ADGRG6: variants seen among roughly 807,000 people sequenced by gnomAD.
ADGRG6 encodes the protein adhesion G protein-coupled receptor G6, also known as G-protein coupled receptor 126.
Under a neutral mutation model 142.4 loss-of-function variants are expected in ADGRG6, and 84 were observed. The ratio of observed to expected loss-of-function variants is 0.59; its 90% CI spans 0.49 to 0.71. The LOEUF is 0.71. ADGRG6 is among the 30% of genes least tolerant of loss of function. ADGRG6 has a pLI of 0.00. For missense variants in ADGRG6, 1,367 were observed against 1,466.6 expected (o/e 0.93, Z 1.11); for synonymous variants, 521 against 520.5 (o/e 1.00, Z -0.01).
At chr6:142,443,253 T>G in intron 24 of ADGRG6, 84 bp from the exon 25 acceptor site, 1 of 758,436 alleles carries the variant, frequency 1.3e-6, no homozygotes, top group Non-Finnish European at 2.1e-6. Flanking sequence ...TTCTTTAATG[T>G]GCAAAACGGA....
intron 2 of ADGRG6, among the ~76,000 whole-genome samples, chr6:142,338,017 G>GTTTTTTTTTTTTTGT (rs1779413370): frequency 2.8e-5 from 1 of 35,392 alleles, no homozygotes; most frequent in African/African-American, 1.3e-4. Context: ...TTGTATCTTT[G>GTTTTTTTTTTTTTGT]TTTTTTTTTT....
intron 22 of ADGRG6, among the ~76,000 whole-genome samples, chr6:142,421,585 T>C (rs1195904307): frequency 1.3e-5 from 2 of 152,172 alleles, no homozygotes; most frequent in African/African-American, 4.8e-5. Context: ...TATTTCAGGA[T>C]TGTATATAAA....
chr6:142,375,182 CTCTG>C (rs1418347235), intron 4 of ADGRG6, among the ~76,000 whole-genome samples: 1 of 152,202 alleles, frequency 6.6e-6, no homozygotes, highest in East Asian at 1.9e-4. Context: ...ATTTCTTAAA[CTCTG>C]TCCCTGAGAC....
chr6:142,338,224 G>T (rs1779443566), intron 2 of ADGRG6, among the ~76,000 whole-genome samples: 1 of 150,452 alleles, frequency 6.6e-6, no homozygotes. Context: ...GTTTCACCGT[G>T]GTCTCGATCT....
At chr6:142,328,262 G>A (rs1352328906) in intron 2 of ADGRG6, among the ~76,000 whole-genome samples, 2 of 152,132 alleles carry the variant, frequency 1.3e-5, no homozygotes, top group African/African-American at 4.8e-5. Flanking sequence ...AAGTGCAGTG[G>A]CATGATTTCA....
At chr6:142,397,860 GT>G (rs897386965) in intron 10 of ADGRG6, 105 bp downstream of exon 10, 5 of 669,080 alleles carry the variant, frequency 7.5e-6, no homozygotes, top group Admixed American at 4.2e-5. Context: ...GTTTATGTAA[GT>G]TTTTTTTCTG....
At chr6:142,433,477 T>C (rs1409886385) in intron 22 of ADGRG6, among the ~76,000 whole-genome samples, 1 of 152,190 alleles carries the variant, frequency 6.6e-6, no homozygotes, top group Non-Finnish European at 1.5e-5. Flanking sequence ...GATTTAGTCA[T>C]GTAGAGTGTG....
At chr6:142,379,392 T>A (rs1781648226) in intron 4 of ADGRG6, among the ~76,000 whole-genome samples, 1 of 152,240 alleles carries the variant, frequency 6.6e-6, no homozygotes, top group Admixed American at 6.5e-5. Context: ...TCCCTTCTTT[T>A]GGTTGTAGAA....
chr6:142,320,038 TAA>T (rs1257617812), intron 2 of ADGRG6, among the ~76,000 whole-genome samples: 1 of 151,776 alleles, frequency 6.6e-6, no homozygotes, highest in Admixed American at 6.6e-5. Flanking sequence ...CACGTGGAGG[TAA>T]AAAAAATTAG....
At chr6:142,384,727 T>C (rs763046263) in intron 6 of ADGRG6, among the ~76,000 whole-genome samples, 5 of 152,150 alleles carry the variant, frequency 3.3e-5, no homozygotes, top group African/African-American at 1.2e-4. Flanking sequence ...ATCTGTAATA[T>C]ATCACCAGGG....
intron 10 of ADGRG6, 85 bp downstream of exon 10, chr6:142,397,840 T>C: frequency 1.2e-6 from 1 of 840,994 alleles, no homozygotes; most frequent in Non-Finnish European, 1.7e-6. Flanking sequence ...ATTTTCTTTA[T>C]GCGCTATTTG....
chr6:142,386,459 T>C (rs1782028757), intron 6 of ADGRG6, among the ~76,000 whole-genome samples: 1 of 152,170 alleles, frequency 6.6e-6, no homozygotes, highest in Non-Finnish European at 1.5e-5. Context: ...TGAAAACAAG[T>C]AAGATAATTG....
intron 6 of ADGRG6, among the ~76,000 whole-genome samples, chr6:142,384,368 A>G (rs1280892368): frequency 6.6e-6 from 1 of 152,180 alleles, no homozygotes; most frequent in Non-Finnish European, 1.5e-5. Context: ...GAATATGATT[A>G]TATATCAACT....
rs576066460 is a variant in ADGRG6 at position 142,387,186 on chromosome 6, A to C, written c.1223-3072A>C. ...TGATCTTTTTTATGTTTTCCATTAC[A>C]TTCCCAAGAAAAGCTCTTGGACTAA... is the stretch of plus-strand genomic sequence containing the variant. On this transcript the variant is annotated intron_variant, in intron 6 of 24. Transcript: ENST00000367609. Among the ~76,000 whole-genome samples the C allele has an allele frequency of 2.6e-5, 4 of 152,310 alleles. No homozygotes were observed. In the East Asian group the frequency reaches 7.7e-4, roughly 29 times the overall value.
chr6:142,380,021 A>G (rs6909857), intron 4 of ADGRG6, among the ~76,000 whole-genome samples: 62,101 of 151,872 alleles, frequency 0.41, 14,834 homozygotes, highest in African/African-American at 0.67. Context: ...GGGACAACTC[A>G]AAGTAGTGGG....
rs771223483 is a variant in ADGRG6 at position 142,370,094 on chromosome 6, G to A, written c.446-76G>A. ...AGTTAACTAGTAGAAAGCGATGGAGGGCTTGATGTTTTGCATCACATTAGT... is the reference window on the plus strand; with the variant it reads ...AGTTAACTAGTAGAAAGCGATGGAGAGCTTGATGTTTTGCATCACATTAGT... On this transcript the variant is annotated intron_variant, in intron 3 of 24. Transcript: ENST00000367609. The A allele has an allele frequency of 7.3e-5, 92 of 1,263,076 alleles. 1 individual carries two copies. The highest frequency in any genetic ancestry group is 3.9e-4 in the Middle Eastern group (2 of 5,096). 78.2% of individuals were successfully genotyped at this position (1,263,076 alleles called of 1,614,324 possible).
intron 9 of ADGRG6, among the ~76,000 whole-genome samples, chr6:142,394,680 C>G (rs1017999839): frequency 4.0e-5 from 6 of 150,832 alleles, no homozygotes; most frequent in Non-Finnish European, 8.8e-5. Context: ...CTCCTAGGCT[C>G]AAATGATCCT....
intron 11 of ADGRG6, among the ~76,000 whole-genome samples, chr6:142,401,315 T>C (rs951322437): frequency 1.3e-5 from 2 of 152,138 alleles, no homozygotes; most frequent in African/African-American, 4.8e-5. Context: ...ACTTGGAAAA[T>C]TCGTTGATTT....
intron 24 of ADGRG6, among the ~76,000 whole-genome samples, chr6:142,442,909 C>T (rs1490151246): frequency 6.6e-6 from 1 of 152,052 alleles, no homozygotes; most frequent in Non-Finnish European, 1.5e-5. Flanking sequence ...GCCAGTTATA[C>T]ACCCCTACCC....
Sources: gnomAD v4.1 joint callset for allele counts (sites outside exome capture counted in the v4.1 genomes callset) on GRCh38, gnomAD v4.1.1 for gene constraint, MANE v1.5 for transcripts, NCBI Gene and HGNC (gene_info 2026-07-23, HGNC 2026-07-21) for gene names.